Variants in CDH12 observed in about 807,000 individuals in gnomAD.
CDH12 encodes cadherin-12.
A neutral mutation model predicts 74.1 loss-of-function variants in CDH12; 41 were observed. The observed-to-expected ratio is 0.55, with a 90% confidence interval of 0.43 to 0.72. The LOEUF (loss-of-function observed/expected upper bound fraction) is 0.72, where lower values mean the gene tolerates loss of function less well. CDH12 is among the 30% of genes least tolerant of loss of function. The probability of loss-of-function intolerance (pLI) is 0.00; values close to 1 mark genes in which losing one functional copy is unlikely to be tolerated. For synonymous variants in CDH12, 399 were observed against 355.0 expected (o/e 1.12, Z -1.39); for missense variants, 945 against 977.2 (o/e 0.97, Z 0.44).
At chr5:21,853,098 C>A (rs1051969332) in intron 7 of CDH12, among the ~76,000 whole-genome samples, 1 of 151,432 alleles carries the variant, frequency 6.6e-6, no homozygotes, top group African/African-American at 2.4e-5. Flanking sequence ...AATTTACCCA[C>A]CTTTTCTACA....
chr5:21,810,347 A>G (rs1051292222), intron 9 of CDH12, among the ~76,000 whole-genome samples: 3 of 152,112 alleles, frequency 2.0e-5, no homozygotes, highest in Admixed American at 2.0e-4. Context: ...AGAGGGCTGT[A>G]TGGCAAATTC....
chr5:21,882,699 C>G (rs1175647210), intron 6 of CDH12: 1 of 1,524,866 alleles, frequency 6.6e-7, no homozygotes, highest in South Asian at 1.1e-5. Context: ...GATGCCCGAG[C>G]CTTAATGCTT....
intron 8 of CDH12, among the ~76,000 whole-genome samples, 162 bp from the exon 9 acceptor site, chr5:21,817,294 G>A (rs891080923): frequency 4.6e-5 from 7 of 152,072 alleles, no homozygotes; most frequent in Non-Finnish European, 7.4e-5. Flanking sequence ...TTATGATTAG[G>A]AGTAATAACT....
At chr5:22,520,456 AG>A (rs1465268924) in intron 1 of CDH12, among the ~76,000 whole-genome samples, 1 of 152,178 alleles carries the variant, frequency 6.6e-6, no homozygotes, top group African/African-American at 2.4e-5. Flanking sequence ...GTTAGATTCA[AG>A]TAACCTAAAG....
At chr5:21,882,993 G>A in intron 6 of CDH12, 1 of 1,601,018 alleles carries the variant, frequency 6.2e-7, no homozygotes, top group South Asian at 1.1e-5. Flanking sequence ...TAGCAAAGGT[G>A]CTAATCCAGT....
At chr5:21,770,454 T>C (rs1399432376) in intron 11 of CDH12, among the ~76,000 whole-genome samples, 2 of 151,846 alleles carry the variant, frequency 1.3e-5, no homozygotes, top group African/African-American at 4.8e-5. Context: ...TGAAACCCCA[T>C]CTCTACTAGA....
chr5:22,672,620 T>C (rs922790009), intron 1 of CDH12, among the ~76,000 whole-genome samples: 3 of 152,106 alleles, frequency 2.0e-5, no homozygotes, highest in African/African-American at 7.2e-5. Context: ...GCCTCCAGAA[T>C]TGTGAGCAAA....
chr5:22,049,187 T>C (rs956269050), intron 5 of CDH12, among the ~76,000 whole-genome samples: 37 of 152,114 alleles, frequency 2.4e-4, no homozygotes, highest in Non-Finnish European at 3.4e-4. Flanking sequence ...CTGGTGTTGA[T>C]ATATACATAT....
intron 1 of CDH12, among the ~76,000 whole-genome samples, chr5:22,529,331 G>A (rs1006904104): frequency 6.6e-6 from 1 of 151,838 alleles, no homozygotes; most frequent in African/African-American, 2.4e-5. Flanking sequence ...AGAGCCAATG[G>A]TGGAGTTCCA....
At chr5:21,797,524 C>T (rs1579720133) in intron 10 of CDH12, among the ~76,000 whole-genome samples, 1 of 152,130 alleles carries the variant, frequency 6.6e-6, no homozygotes, top group South Asian at 2.1e-4. Flanking sequence ...GATTCAAAAA[C>T]AGCTCTGTCT....
chr5:21,814,507 A>G (rs1318777017), intron 9 of CDH12, among the ~76,000 whole-genome samples: 5 of 151,590 alleles, frequency 3.3e-5, no homozygotes, highest in Non-Finnish European at 5.9e-5. Context: ...TTTTAAAAAT[A>G]AATAAGAATG....
intron 1 of CDH12, among the ~76,000 whole-genome samples, chr5:22,791,171 T>A (rs756771619): frequency 6.6e-6 from 1 of 152,212 alleles, no homozygotes; most frequent in Non-Finnish European, 1.5e-5. Flanking sequence ...AGCAGTTAAA[T>A]TCTCCGGAAG....
rs182478013 is a variant in CDH12 at position 22,738,709 on chromosome 5, G to T, written c.-523+114349C>A. On this transcript the variant is annotated intron_variant, in intron 1 of 14. Coordinates refer to ENST00000382254, the MANE Select transcript of CDH12 (RefSeq NM_004061.5). ...TACCACAAATATGCTAAAATATTGGGAAAAAATAAATATTTCAATAAAACC... is the reference window on the plus strand; with the variant it reads ...TACCACAAATATGCTAAAATATTGGTAAAAAATAAATATTTCAATAAAACC... Among the ~76,000 whole-genome samples, 14 of 151,928 alleles carry T rather than the reference G, an allele frequency of 9.2e-5. No individual in the cohort carries two copies. The East Asian group carries it at 2.7e-3, about 29-fold the overall frequency.
At chr5:21,975,507 G>T in intron 5 of CDH12, 122 bp from the exon 6 acceptor site, 1 of 618,808 alleles carries the variant, frequency 1.6e-6, no homozygotes, top group African/African-American at 1.9e-5. Context: ...AATCAAAAAT[G>T]TTAAATAAAA....
intron 3 of CDH12, among the ~76,000 whole-genome samples, chr5:22,278,405 A>C (rs991171320): frequency 6.6e-6 from 1 of 152,212 alleles, no homozygotes; most frequent in Non-Finnish European, 1.5e-5. Context: ...TAAATGAGAC[A>C]ACATAGACAG....
intron 4 of CDH12, among the ~76,000 whole-genome samples, chr5:22,090,488 C>CAAA (rs57410067): frequency 3.8e-5 from 5 of 130,746 alleles, no homozygotes; most frequent in Non-Finnish European, 3.4e-5. Flanking sequence ...TCTGTAAACT[C>CAAA]AAAAAAAAAA....
chr5:22,553,272 T>C (rs1738653787), intron 1 of CDH12, among the ~76,000 whole-genome samples: 1 of 152,208 alleles, frequency 6.6e-6, no homozygotes, highest in Admixed American at 6.5e-5. Context: ...TTGAAATCAA[T>C]TTCAAAGAGT....
chr5:22,847,187 G>T (rs758721693), intron 1 of CDH12, among the ~76,000 whole-genome samples: 1 of 152,098 alleles, frequency 6.6e-6, no homozygotes, highest in Non-Finnish European at 1.5e-5. Flanking sequence ...TTTTACTTGA[G>T]AAATTTATTT....
At chr5:22,655,451 C>A (rs1021936107) in intron 1 of CDH12, among the ~76,000 whole-genome samples, 2 of 152,172 alleles carry the variant, frequency 1.3e-5, no homozygotes, top group Admixed American at 6.5e-5. Context: ...ATGATTACTT[C>A]ACTTGTAATC....
Sources: allele counts gnomAD v4.1 joint callset (sites outside exome capture counted in the v4.1 genomes callset), GRCh38; gene constraint gnomAD v4.1.1; transcripts MANE v1.5; gene names NCBI Gene and HGNC (gene_info 2026-07-23, HGNC 2026-07-21).